PICALM: variants seen among roughly 807,000 people sequenced by gnomAD.
PICALM encodes phosphatidylinositol binding clathrin assembly protein.
In PICALM, 40 loss-of-function variants were observed where a neutral mutation model predicts 80.5. That is an observed-to-expected ratio of 0.50 (90% CI 0.39 to 0.65). The LOEUF (loss-of-function observed/expected upper bound fraction) is 0.65, where lower values mean the gene tolerates loss of function less well. PICALM is among the 30% of genes least tolerant of loss of function. The probability of loss-of-function intolerance (pLI) is 0.00; values close to 1 mark genes in which losing one functional copy is unlikely to be tolerated. For synonymous variants in PICALM, 288 were observed against 260.3 expected (o/e 1.11, Z -1.02); for missense variants, 676 against 778.9 (o/e 0.87, Z 1.57).
rs373016857 is a variant in PICALM, at chr11:86,001,168, T to C, written c.894-10A>G. On this transcript the variant is annotated splice_polypyrimidine_tract_variant and intron_variant, in intron 9 of 19. Coordinates refer to ENST00000393346, the MANE Select transcript of PICALM (RefSeq NM_007166.4). ...GGAAAGTGTAGTTGCCCTAGGATAA[T>C]TGAACAGAGATAATTTGGCTTTTTG... 10 of 1,611,534 alleles carry C rather than the reference T, an allele frequency of 6.2e-6. No homozygotes were observed. Among genetic ancestry groups the C allele is most frequent in the African/African-American group, 1.3e-5 (1 of 74,766 alleles).
chr11:85,997,063 A>G (rs998053349), intron 11 of PICALM, 134 bp from the exon 12 acceptor site: 16 of 546,954 alleles, frequency 2.9e-5, no homozygotes, highest in South Asian at 2.3e-4. Context: ...ATCTCAAAAG[A>G]GGAACAGTTT....
rs1432734960 is a variant in PICALM, at chr11:85,990,438, G to C, written c.1259-39C>G. The C allele has an allele frequency of 5.9e-6, 8 of 1,357,016 alleles. No individual in the cohort carries two copies. The Admixed American group carries it at 1.4e-4, about 24-fold the overall frequency. 84.1% of individuals were successfully genotyped at this position (1,357,016 alleles called of 1,614,324 possible). A position where few individuals can be genotyped will look rare whatever the true frequency, so the allele number is the denominator to read the frequency against. ...ATGTATTATAGCAAAATGAAGAAAGGAAGTAAATAAATTAGTATTGTAATT... is the reference window on the plus strand; with the variant it reads ...ATGTATTATAGCAAAATGAAGAAAGCAAGTAAATAAATTAGTATTGTAATT... On this transcript the variant is annotated intron_variant, in intron 12 of 19. Coordinates refer to ENST00000393346, the MANE Select transcript of PICALM (RefSeq NM_007166.4).
intron 1 of PICALM, among the ~76,000 whole-genome samples, chr11:86,060,735 CAA>C (rs61642872): frequency 3.8e-5 from 5 of 132,854 alleles, no homozygotes; most frequent in Non-Finnish European, 3.2e-5. Flanking sequence ...TATCCACAGG[CAA>C]AAAAAAAAAA....
Position 85,983,861 on chromosome 11 carries a change from C to T in PICALM, c.1516+5G>A. The T allele has an allele frequency of 7.6e-7, 1 of 1,319,064 alleles. No individual in the cohort carries two copies. The highest frequency in any genetic ancestry group is 1.3e-5 in the South Asian group (1 of 75,252). 81.7% of individuals were successfully genotyped at this position (1,319,064 alleles called of 1,614,324 possible). ...AATATTTTTAATAAAATTTTTTTTCCTTACCCCCAGAATCTACAATAACAT... is the reference window on the plus strand; with the variant it reads ...AATATTTTTAATAAAATTTTTTTTCTTTACCCCCAGAATCTACAATAACAT... On this transcript the variant is annotated splice_donor_5th_base_variant and intron_variant, in intron 14 of 19. Transcript: ENST00000393346.
chr11:85,966,248 C>G (rs2093893468), intron 19 of PICALM, among the ~76,000 whole-genome samples: 1 of 152,054 alleles, frequency 6.6e-6, no homozygotes, highest in African/African-American at 2.4e-5. Flanking sequence ...GCTCTGTTGC[C>G]CAGGCTGGAG....
chr11:85,959,057 G>A lies in PICALM; in HGVS notation c.1948C>T (p.Gln650Ter). The part of the protein sequence containing the change: ...PFGPVSGAQI[Q>*]FM The stretch of plus-strand genomic sequence containing the variant: ...TTTCTTCCATCAAGTTACATAAACT[G>A]TATCTGGAAAAAAAAAGTGGGTATG... Residue 650 changes from glutamine (Q) to a stop codon, truncating the protein, a stop_gained, in exon 20 of 20, where the codon CAG (glutamine) becomes TAG (stop). Transcript: ENST00000393346. LOFTEE classifies it high-confidence loss of function. The A allele has an allele frequency of 6.3e-7, 1 of 1,582,952 alleles. No homozygotes were observed. The highest frequency in any genetic ancestry group is 8.6e-7 in the Non-Finnish European group (1 of 1,157,804).
chr11:85,984,672 C>A (rs2094528722), intron 13 of PICALM, among the ~76,000 whole-genome samples: 1 of 152,148 alleles, frequency 6.6e-6, no homozygotes, highest in Non-Finnish European at 1.5e-5. Flanking sequence ...TAAGGTGACT[C>A]TAGTTTTGCA....
rs181434413 is a variant in PICALM at position 86,002,604 on chromosome 11, C to T, written c.893+762G>A. Among the ~76,000 whole-genome samples, 89 of 152,294 alleles carry T rather than the reference C, an allele frequency of 5.8e-4. 1 individual carries two copies. The highest frequency in any genetic ancestry group is 1.9e-3 in the African/African-American group (79 of 41,562). On this transcript the variant is annotated intron_variant, in intron 9 of 19. Coordinates refer to ENST00000393346, the MANE Select transcript of PICALM (RefSeq NM_007166.4). ...ATCAATAATCAACCCCATGAACTGG[C>T]ATTAGGCAGAGATGATGCAATTTGA...
intron 9 of PICALM, 55 bp from the exon 10 acceptor site, chr11:86,001,213 C>A (rs1193926773): frequency 5.1e-6 from 8 of 1,571,648 alleles, no homozygotes; most frequent in Non-Finnish European, 6.9e-6. Context: ...TCACATTACA[C>A]CCAGGTCATG....
At chr11:85,988,242 G>A (rs967395826) in intron 13 of PICALM, among the ~76,000 whole-genome samples, 2 of 152,066 alleles carry the variant, frequency 1.3e-5, no homozygotes, top group African/African-American at 4.8e-5. Context: ...ATATTAAAAC[G>A]TTTTCATGCT....
chr11:86,021,573 T>C (rs983515492), intron 4 of PICALM, among the ~76,000 whole-genome samples: 2 of 149,776 alleles, frequency 1.3e-5, no homozygotes, highest in African/African-American at 2.5e-5. Context: ...GAAAGTGCCA[T>C]ACATTGCTGG....
intron 2 of PICALM, among the ~76,000 whole-genome samples, chr11:86,030,311 A>C (rs2095727431): frequency 6.6e-6 from 1 of 152,230 alleles, no homozygotes; most frequent in Non-Finnish European, 1.5e-5. Flanking sequence ...TTTAATTTTG[A>C]ACTTTAATAA....
intron 4 of PICALM, among the ~76,000 whole-genome samples, chr11:86,015,440 A>T (rs2095466374): frequency 6.6e-6 from 1 of 152,212 alleles, no homozygotes; most frequent in Non-Finnish European, 1.5e-5. Context: ...TCATGACCCA[A>T]CAGCAATGGC....
At chr11:86,058,303 A>G (rs949501542) in intron 1 of PICALM, among the ~76,000 whole-genome samples, 2 of 152,210 alleles carry the variant, frequency 1.3e-5, no homozygotes, top group African/African-American at 4.8e-5. Context: ...ACCTATAATC[A>G]GAAGAAACAT....
intron 13 of PICALM, among the ~76,000 whole-genome samples, chr11:85,985,398 AATG>A (rs1299256429): frequency 6.6e-6 from 1 of 152,178 alleles, no homozygotes; most frequent in East Asian, 1.9e-4. Context: ...CACATCCTAT[AATG>A]ACTATTCTGT....
chr11:86,034,806 G>C (rs766368392), intron 1 of PICALM, among the ~76,000 whole-genome samples: 1 of 152,142 alleles, frequency 6.6e-6, no homozygotes, highest in Non-Finnish European at 1.5e-5. Context: ...TTTCCATGTA[G>C]AGAAAGCAGA....
chr11:85,994,851 G>T (rs930274004), intron 12 of PICALM, among the ~76,000 whole-genome samples: 7 of 152,118 alleles, frequency 4.6e-5, no homozygotes, highest in Non-Finnish European at 1.0e-4. Flanking sequence ...TGACAGATGT[G>T]TACCACCACA....
intron 1 of PICALM, among the ~76,000 whole-genome samples, chr11:86,063,641 A>G (rs1210248650): frequency 6.6e-6 from 1 of 152,206 alleles, no homozygotes; most frequent in Non-Finnish European, 1.5e-5. Flanking sequence ...CCATGGCGAC[A>G]GAAAAAATAA....
chr11:86,031,735 T>C, intron 1 of PICALM, 124 bp from the exon 2 acceptor site: 1 of 672,504 alleles, frequency 1.5e-6, no homozygotes, highest in Non-Finnish European at 2.4e-6. Flanking sequence ...TTTGGAGATG[T>C]TGTTAAAAAT....
Sources: gnomAD v4.1 joint callset for allele counts (sites outside exome capture counted in the v4.1 genomes callset) on GRCh38, gnomAD v4.1.1 for gene constraint, MANE v1.5 for transcripts, NCBI Gene and HGNC (gene_info 2026-07-23, HGNC 2026-07-21) for gene names.